The following TAAR5 variants were observed in gnomAD, a reference collection of about 807,000 sequenced individuals.
The protein encoded by TAAR5 is trace amine-associated receptor 5.
TAAR5 carries 27 observed loss-of-function variants against 21.1 expected under a neutral mutation model. The observed-to-expected ratio is 1.28, with a 90% CI of 0.94 to 1.76. The LOEUF (loss-of-function observed/expected upper bound fraction) is 1.76. Ranked by LOEUF, TAAR5 falls within the 40% of genes most tolerant of loss-of-function variation. TAAR5 has a pLI of 0.00. For synonymous variants in TAAR5, 203 were observed against 167.5 expected (o/e 1.21, Z -1.64); for missense variants, 495 against 405.6 (o/e 1.22, Z -1.89).
rs1776848774 is a variant in TAAR5 at position 132,588,656 on chromosome 6, G to T, written c.*17C>A. On this transcript the variant is annotated 3_prime_UTR_variant, in exon 1 of 1. Coordinates refer to ENST00000258034, the MANE Select transcript of TAAR5 (RefSeq NM_003967.3). ...TCCTGTGAGGTCCTACTCCTTGCCT[G>T]CATTTAGTAGAAGGAATCATTCTTG... 1.7e-5 allele frequency: 27 copies of T among 1,595,650 alleles called. No homozygotes were observed. The highest frequency in any genetic ancestry group is 1.9e-5 in the Non-Finnish European group (22 of 1,169,472).
chr6:132,590,326 T>C (rs546076903), upstream of TAAR5, among the ~76,000 whole-genome samples: 1 of 152,332 alleles, frequency 6.6e-6, no homozygotes, highest in South Asian at 2.1e-4. Flanking sequence ...TTGCTCTATT[T>C]TAGCTTTAAA....
the TAAR5 span, among the ~76,000 whole-genome samples, chr6:132,600,488 A>C: frequency 2.6e-5 from 4 of 152,208 alleles, no homozygotes; most frequent in Admixed American, 1.3e-4. Flanking sequence ...GGCCATGAGG[A>C]GGAACTGCTC....
At chr6:132,611,848 C>A in the TAAR5 span, among the ~76,000 whole-genome samples, 1 of 152,144 alleles carries the variant, frequency 6.6e-6, no homozygotes, top group Non-Finnish European at 1.5e-5. Flanking sequence ...AGTTAGCCCC[C>A]AGTTTATTAC....
the TAAR5 span, among the ~76,000 whole-genome samples, chr6:132,596,514 C>A: frequency 2.0e-5 from 3 of 152,158 alleles, no homozygotes; most frequent in Non-Finnish European, 4.4e-5. Context: ...AATAAAAATA[C>A]AAGCACCTTT....
chr6:132,593,242 C>T (rs1185115998), upstream of TAAR5, among the ~76,000 whole-genome samples: 5 of 152,180 alleles, frequency 3.3e-5, no homozygotes, highest in Admixed American at 2.6e-4. Context: ...GCTCTCATGG[C>T]CTCTTGTGCC....
the TAAR5 span, among the ~76,000 whole-genome samples, chr6:132,616,204 G>A: frequency 5.9e-5 from 9 of 152,264 alleles, no homozygotes; most frequent in African/African-American, 2.2e-4. Context: ...AGAGCCCAGT[G>A]TTGAGCTTAA....
the TAAR5 span, among the ~76,000 whole-genome samples, chr6:132,613,376 C>T: frequency 3.3e-5 from 5 of 152,156 alleles, no homozygotes; most frequent in Non-Finnish European, 7.4e-5. Context: ...CTGCCTTCCT[C>T]CCTGCTTTTC....
chr6:132,590,649 T>A (rs1436211837), upstream of TAAR5, among the ~76,000 whole-genome samples: 2 of 152,220 alleles, frequency 1.3e-5, no homozygotes, highest in African/African-American at 4.8e-5. Context: ...CCATGTGCTA[T>A]GATACAAATA....
At chr6:132,592,884 C>G (rs1377075285), upstream of TAAR5, among the ~76,000 whole-genome samples, 1 of 152,104 alleles carries the variant, frequency 6.6e-6, no homozygotes, top group African/African-American at 2.4e-5. Context: ...TCTCTGCTGA[C>G]ATTGCTAAGC....
chr6:132,615,660 A>C, the TAAR5 span, among the ~76,000 whole-genome samples: 1 of 152,198 alleles, frequency 6.6e-6, no homozygotes, highest in East Asian at 1.9e-4. Context: ...AGTATACAGG[A>C]CACTGGATCA....
At chr6:132,604,449 T>C in the TAAR5 span, among the ~76,000 whole-genome samples, 1 of 152,012 alleles carries the variant, frequency 6.6e-6, no homozygotes, top group Admixed American at 6.6e-5. Context: ...GGCTGACGTA[T>C]CTTTTCTAAA....
chr6:132,589,423 CA>C lies in TAAR5; in HGVS notation c.263del (p.Leu88ArgfsTer61), dbSNP rs1446332222. 6.2e-7 allele frequency: 1 copy of C among 1,613,946 alleles called. No homozygotes were observed. The highest frequency in any genetic ancestry group is 8.5e-7 in the Non-Finnish European group (1 of 1,179,966). ...LADMFLGLLV[L>X]PLSTIRSVES... ...CCACTGAGCGAATGGTGCTGAGGGGCAGCACCAGCAGACCCAGAAACATGTC... is the reference window on the plus strand; with the variant it reads ...CCACTGAGCGAATGGTGCTGAGGGGCGCACCAGCAGACCCAGAAACATGTC... On this transcript the variant is annotated frameshift_variant, in exon 1 of 1. Coordinates refer to ENST00000258034, the MANE Select transcript of TAAR5 (RefSeq NM_003967.3). LOFTEE classifies it high-confidence loss of function.
At chr6:132,605,599 GGCACACACACAT>G in the TAAR5 span, among the ~76,000 whole-genome samples, 21 of 151,910 alleles carry the variant, frequency 1.4e-4, no homozygotes, top group African/African-American at 2.7e-4. Context: ...GTAATGCATG[GGCACACACACAT>G]GCACACACAC....
the TAAR5 span, among the ~76,000 whole-genome samples, chr6:132,597,187 T>C: frequency 6.6e-6 from 1 of 152,138 alleles, no homozygotes; most frequent in Non-Finnish European, 1.5e-5. Context: ...AAACATGGCA[T>C]GAAACAACTT....
the TAAR5 span, among the ~76,000 whole-genome samples, chr6:132,614,538 G>T: frequency 4.6e-5 from 7 of 152,128 alleles, no homozygotes; most frequent in African/African-American, 1.4e-4. Context: ...AATTTAAAAA[G>T]ATTAGAACAT....
Position 132,589,182 on chromosome 6 carries a change from A to G in TAAR5, c.505T>C (p.Phe169Leu), listed in dbSNP as rs751037824. ...GTCTCTACCACATCTGTGTAGAGGAATAACGAAGTGTATGCTGCGGGCACC... is the reference window on the plus strand; with the variant it reads ...GTCTCTACCACATCTGTGTAGAGGAGTAACGAAGTGTATGCTGCGGGCACC... ...WGVPAAYTSL[F>L]LYTDVVETRL... The change falls in exon 1 of 1, where the codon TTC becomes CTC. Residue 169 changes from phenylalanine to leucine, a missense_variant. Phe to Leu is a conservative substitution (Grantham distance 22, BLOSUM62 0). Transcript: ENST00000258034. The G allele has an allele frequency of 8.7e-6, 14 of 1,607,182 alleles. No homozygotes were observed. Among genetic ancestry groups the G allele is most frequent in the Admixed American group, 1.7e-5 (1 of 59,638 alleles).
At chr6:132,589,776 A>AAAAAAAAAG (rs398002859), upstream of TAAR5, 1 of 904,902 alleles carries the variant, frequency 1.1e-6, no homozygotes, top group Non-Finnish European at 1.5e-6. Flanking sequence ...AAAAAAAAAA[A>AAAAAAAAAG]TATGTCTGCT....
At chr6:132,601,091 G>T in the TAAR5 span, among the ~76,000 whole-genome samples, 1 of 23,678 alleles carries the variant, frequency 4.2e-5, no homozygotes, top group East Asian at 1.0e-3. Context: ...GAAGGAAGGA[G>T]GGAGGGAAGG....
At chr6:132,594,900 T>C in the TAAR5 span, 1 of 152,228 alleles carries the variant, frequency 6.6e-6, no homozygotes, top group Non-Finnish European at 1.5e-5. Flanking sequence ...CAACAAACTC[T>C]TCTGCACCAA....
Sources: allele counts gnomAD v4.1 joint callset (sites outside exome capture counted in the v4.1 genomes callset), GRCh38; gene constraint gnomAD v4.1.1; transcripts MANE v1.5; gene names NCBI Gene and HGNC (gene_info 2026-07-23, HGNC 2026-07-21).